FBXL2: variants seen among roughly 807,000 people sequenced by gnomAD.
The protein encoded by FBXL2 is F-box/LRR-repeat protein 2.
In FBXL2, 38 loss-of-function variants were observed where a neutral mutation model predicts 69.2. That is an observed-to-expected ratio of 0.55 (90% CI 0.42 to 0.72). The LOEUF is 0.72. Ranked by LOEUF, FBXL2 falls within the 30% of genes least tolerant of loss-of-function variation. FBXL2 has a pLI of 0.00. For missense variants in FBXL2, 354 were observed against 520.3 expected, an observed-to-expected ratio of 0.68 and a Z score of 3.11; for synonymous variants, 192 against 201.3, an observed-to-expected ratio of 0.95 and a Z score of 0.39.
chr3:33,415,291 T>C, the FBXL2 span, among the ~76,000 whole-genome samples: 1 of 152,250 alleles, frequency 6.6e-6, no homozygotes, highest in Non-Finnish European at 1.5e-5. Context: ...CTTCAATGCC[T>C]TGATGGACAC....
chr3:33,355,150 G>A (rs911709850), intron 2 of FBXL2, among the ~76,000 whole-genome samples: 7 of 152,034 alleles, frequency 4.6e-5, no homozygotes, highest in Non-Finnish European at 1.0e-4. Context: ...TGCTGGTCTC[G>A]AATTCCTGGG....
intron 2 of FBXL2, among the ~76,000 whole-genome samples, chr3:33,331,337 G>C (rs1227023105): frequency 6.6e-6 from 1 of 152,134 alleles, no homozygotes; most frequent in Non-Finnish European, 1.5e-5. Context: ...GGTATCCTAA[G>C]ATTAGGCAAA....
chr3:33,330,642 C>G (rs1575217975), intron 2 of FBXL2, among the ~76,000 whole-genome samples: 1 of 152,034 alleles, frequency 6.6e-6, no homozygotes. Flanking sequence ...AATCCCAGCA[C>G]TCTGAGAGGC....
intron 2 of FBXL2, among the ~76,000 whole-genome samples, chr3:33,346,711 A>C (rs2040465086): frequency 6.6e-6 from 1 of 152,194 alleles, no homozygotes. Flanking sequence ...CAGACTAACC[A>C]AGATAAAAGA....
At chr3:33,371,526 A>T (rs1315847201) in intron 5 of FBXL2, among the ~76,000 whole-genome samples, 5 of 152,144 alleles carry the variant, frequency 3.3e-5, no homozygotes, top group Non-Finnish European at 7.4e-5. Flanking sequence ...GTGTCTACAT[A>T]ACATGTTTAA....
chr3:33,396,305 G>A (rs780828049), intron 12 of FBXL2: 21 of 1,530,232 alleles, frequency 1.4e-5, no homozygotes, highest in Admixed American at 3.4e-5. Context: ...TGCCACTGAT[G>A]AGCCTGGGAG....
chr3:33,371,642 C>G (rs998728347), intron 5 of FBXL2, among the ~76,000 whole-genome samples: 1 of 151,860 alleles, frequency 6.6e-6, no homozygotes, highest in South Asian at 2.1e-4. Flanking sequence ...GGTGGATTAC[C>G]TTTTCTCTTT....
intron 13 of FBXL2, among the ~76,000 whole-genome samples, chr3:33,380,534 G>A (rs1432782924): frequency 6.8e-6 from 1 of 147,566 alleles, no homozygotes; most frequent in Admixed American, 6.8e-5. Flanking sequence ...CTCCAGCCTG[G>A]GCAACAAGAG....
In FBXL2 at chr3:33,330,382, T is replaced by C. The variant is rs1055735828; in HGVS notation, c.66-28585T>C. On this transcript the variant is annotated intron_variant, in intron 2 of 14. Coordinates refer to ENST00000484457, the MANE Select transcript of FBXL2 (RefSeq NM_012157.5). ...AGTTCTGGGGATGAAGAGAGATTGA[T>C]TAATGGGTACAAATATACAGTTAGA... Among the ~76,000 whole-genome samples the C allele has an allele frequency of 2.9e-4, 44 of 152,090 alleles. 2 individuals are homozygous for C. Among genetic ancestry groups the C allele is most frequent in the Admixed American group, 2.8e-3 (42 of 15,260 alleles).
chr3:33,285,437 T>A (rs1331865866), intron 1 of FBXL2, among the ~76,000 whole-genome samples: 1 of 152,232 alleles, frequency 6.6e-6, no homozygotes, highest in South Asian at 2.1e-4. Flanking sequence ...CTTCCCTTTG[T>A]GGGTAACCCG....
At chr3:33,352,929 A>C (rs200453204) in intron 2 of FBXL2, among the ~76,000 whole-genome samples, 1 of 117,176 alleles carries the variant, frequency 8.5e-6, no homozygotes, top group Admixed American at 9.2e-5. Context: ...CAAAACAAAA[A>C]AACCCATCTC....
chr3:33,384,503 G>C (rs2043279733), intron 14 of FBXL2, among the ~76,000 whole-genome samples: 3 of 152,194 alleles, frequency 2.0e-5, no homozygotes. Context: ...AGAAGTTGCA[G>C]TGAGCCCAGA....
intron 1 of FBXL2, among the ~76,000 whole-genome samples, chr3:33,290,675 A>G (rs138413025): frequency 3.9e-5 from 6 of 152,354 alleles, no homozygotes; most frequent in Non-Finnish European, 7.3e-5. Context: ...GGACAGATCA[A>G]TAAAAAATCA....
chr3:33,412,186 C>T, the FBXL2 span, among the ~76,000 whole-genome samples: 46 of 63,444 alleles, frequency 7.3e-4, no homozygotes, highest in Admixed American at 3.3e-3. Flanking sequence ...AACTCCGTCT[C>T]AAAAAAAAAA....
intron 12 of FBXL2, chr3:33,400,886 A>C: frequency 3.6e-6 from 5 of 1,396,028 alleles, no homozygotes; most frequent in Non-Finnish European, 4.9e-6. Flanking sequence ...CCTACTCCAT[A>C]CATTTGCACA....
At chr3:33,381,632 AAT>A (rs2043070882) in intron 13 of FBXL2, among the ~76,000 whole-genome samples, 1 of 145,288 alleles carries the variant, frequency 6.9e-6, no homozygotes, top group African/African-American at 2.6e-5. Flanking sequence ...CTCAAAAAAA[AAT>A]AAATAAAAAT....
intron 5 of FBXL2, among the ~76,000 whole-genome samples, chr3:33,367,732 T>G (rs980699507): frequency 2.0e-5 from 3 of 152,142 alleles, no homozygotes; most frequent in Non-Finnish European, 4.4e-5. Flanking sequence ...CTTTATTATT[T>G]CCTTCCTTTT....
chr3:33,354,582 A>C (rs1195539370), intron 2 of FBXL2, among the ~76,000 whole-genome samples: 5 of 152,186 alleles, frequency 3.3e-5, no homozygotes, highest in Admixed American at 2.0e-4. Flanking sequence ...TGCCAAATGG[A>C]AATATTTTAC....
At chr3:33,291,321 TTTTGA>T (rs1380562947) in intron 1 of FBXL2, among the ~76,000 whole-genome samples, 1 of 152,174 alleles carries the variant, frequency 6.6e-6, no homozygotes, top group East Asian at 1.9e-4. Context: ...ATAAAGATAT[TTTTGA>T]CAGAAGCAAA....
Sources: gnomAD v4.1 joint callset for allele counts (sites outside exome capture counted in the v4.1 genomes callset) on GRCh38, gnomAD v4.1.1 for gene constraint, MANE v1.5 for transcripts, NCBI Gene and HGNC (gene_info 2026-07-23, HGNC 2026-07-21) for gene names.